The following PAPSS2 variants were observed in gnomAD, a reference collection of about 807,000 sequenced individuals.
PAPSS2 encodes the protein bifunctional 3'-phosphoadenosine 5'-phosphosulfate synthase 2.
A neutral mutation model predicts 66.5 loss-of-function variants in PAPSS2; 61 were observed. The observed-to-expected ratio is 0.92, with a 90% CI of 0.75 to 1.14. PAPSS2 has a LOEUF of 1.14. Ranked by LOEUF, PAPSS2 falls within the 50% of genes most tolerant of loss-of-function variation. The pLI, the probability that PAPSS2 is intolerant of heterozygous loss-of-function variation, is 0.00. For missense variants in PAPSS2, 708 were observed against 789.6 expected (o/e 0.90, Z 1.24); for synonymous variants, 289 against 287.5 (o/e 1.01, Z -0.05).
In PAPSS2 at chr10:87,713,317, A is replaced by G. The variant is rs759074092; in HGVS notation, c.381+7A>G. 78 of 1,238,320 alleles carry G rather than the reference A, an allele frequency of 6.3e-5. No individual in the cohort carries two copies. The Middle Eastern group carries it at 6.9e-4, about 11-fold the overall frequency. The allele number at this position is 1,238,320 out of a possible 1,614,324, so 76.7% of individuals were successfully genotyped here. On this transcript the variant is annotated splice_region_variant and intron_variant, in intron 3 of 12. Transcript: ENST00000456849. Reference sequence around the variant, plus strand: ...TATTTCTCCATTCGCAAAGGTAAAAAAAAAAAAAAAAAAAAAAGGCACTAC... The same window carrying G: ...TATTTCTCCATTCGCAAAGGTAAAAGAAAAAAAAAAAAAAAAAGGCACTAC...
chr10:87,704,539 T>G (rs544612714), intron 1 of PAPSS2, among the ~76,000 whole-genome samples: 1 of 152,336 alleles, frequency 6.6e-6, no homozygotes, highest in African/African-American at 2.4e-5. Context: ...TCTAGTATGT[T>G]GGGATTGGGA....
chr10:87,707,564 CTTTTTTTTTTTTT>C (rs747152482), intron 1 of PAPSS2, among the ~76,000 whole-genome samples: 20 of 93,980 alleles, frequency 2.1e-4, no homozygotes, highest in African/African-American at 5.7e-4. Flanking sequence ...TCTTTTTTTT[CTTTTTTTTTTTTT>C]TTTTTTTTTT....
chr10:87,673,617 G>A (rs955790346), intron 1 of PAPSS2, among the ~76,000 whole-genome samples: 20 of 147,134 alleles, frequency 1.4e-4, no homozygotes, highest in Admixed American at 2.0e-4. Context: ...ATTCCTTTGC[G>A]AATTTTGGGA....
At chr10:87,722,276 T>A (rs1223667666) in intron 8 of PAPSS2, among the ~76,000 whole-genome samples, 16 of 152,228 alleles carry the variant, frequency 1.1e-4, no homozygotes, top group Non-Finnish European at 7.3e-5. Context: ...TATGGTTGCT[T>A]GTTATGGAAC....
intron 7 of PAPSS2, among the ~76,000 whole-genome samples, chr10:87,717,754 A>G (rs1038159618): frequency 8.6e-5 from 13 of 151,978 alleles, no homozygotes; most frequent in African/African-American, 2.2e-4. Flanking sequence ...TTGTAGAGAT[A>G]AGGTCTCACT....
chr10:87,687,541 G>T (rs1009521216), intron 1 of PAPSS2, among the ~76,000 whole-genome samples: 2 of 152,196 alleles, frequency 1.3e-5, no homozygotes, highest in Non-Finnish European at 2.9e-5. Flanking sequence ...CATAGAAATA[G>T]AGAGTAGAAT....
intron 1 of PAPSS2, among the ~76,000 whole-genome samples, chr10:87,697,378 G>A (rs964425376): frequency 6.6e-5 from 10 of 152,150 alleles, no homozygotes; most frequent in Admixed American, 4.6e-4. Context: ...GGGTTCACTC[G>A]ATCCTGCATT....
chr10:87,679,303 A>G (rs1852987751), intron 1 of PAPSS2, among the ~76,000 whole-genome samples: 1 of 152,202 alleles, frequency 6.6e-6, no homozygotes. Flanking sequence ...GGAGATGAAC[A>G]AAGATAGGTT....
At chr10:87,660,247 G>C (rs1852732510) in intron 1 of PAPSS2, 2 of 596,000 alleles carry the variant, frequency 3.4e-6, no homozygotes, top group African/African-American at 1.9e-5. Flanking sequence ...CCTTGGGGTC[G>C]CCGCGCCCGC....
intron 1 of PAPSS2, 36 bp from the exon 2 acceptor site, chr10:87,709,160 A>C: frequency 7.3e-7 from 1 of 1,360,966 alleles, no homozygotes; most frequent in Non-Finnish European, 1.1e-6. Context: ...GTGTTTTATT[A>C]ATTAATACTG....
At chr10:87,692,062 C>T (rs148791292) in intron 1 of PAPSS2, among the ~76,000 whole-genome samples, 1 of 152,250 alleles carries the variant, frequency 6.6e-6, no homozygotes, top group Non-Finnish European at 1.5e-5. Flanking sequence ...AATTAGCTAA[C>T]TAACAGTGAT....
At chr10:87,697,329 A>G (rs1220823352) in intron 1 of PAPSS2, among the ~76,000 whole-genome samples, 1 of 152,176 alleles carries the variant, frequency 6.6e-6, no homozygotes, top group Non-Finnish European at 1.5e-5. Context: ...GTCTCAGAGC[A>G]AGGGGCAACG....
At chr10:87,716,303 A>G (rs929905545) in intron 7 of PAPSS2, among the ~76,000 whole-genome samples, 4 of 152,190 alleles carry the variant, frequency 2.6e-5, no homozygotes, top group African/African-American at 7.2e-5. Context: ...TAAAGTGTCA[A>G]TGTTCATGCC....
At chr10:87,728,931 A>G (rs1853692858) in intron 9 of PAPSS2, among the ~76,000 whole-genome samples, 1 of 152,176 alleles carries the variant, frequency 6.6e-6, no homozygotes, top group African/African-American at 2.4e-5. Context: ...GTCAATGGCA[A>G]GCAAAGCAGC....
chr10:87,694,305 G>A (rs1234546341), intron 1 of PAPSS2, among the ~76,000 whole-genome samples: 5 of 152,170 alleles, frequency 3.3e-5, no homozygotes, highest in Admixed American at 6.5e-5. Flanking sequence ...CCCCTTCTGT[G>A]TGGGGTTGAC....
At chr10:87,709,855 G>A (rs1853443316) in intron 2 of PAPSS2, among the ~76,000 whole-genome samples, 1 of 152,188 alleles carries the variant, frequency 6.6e-6, no homozygotes, top group Non-Finnish European at 1.5e-5. Context: ...GCTGAGGATT[G>A]CCCTTGTTTA....
chr10:87,745,226 A>G lies in PAPSS2; in HGVS notation c.1716A>G (p.Pro572=). ...KAKKAMDFYD[P]ARHNEFDFIS... ...AAAAAGCCATGGACTTCTATGATCC[A>G]GCAAGGTAGGTTTTCAGAGGAAAAT... Residue 572 remains proline, a synonymous_variant, in exon 12 of 13, where the codon CCA becomes CCG. Transcript: ENST00000456849. 2 of 1,609,940 alleles carry G rather than the reference A, an allele frequency of 1.2e-6. No individual in the cohort carries two copies. Among genetic ancestry groups the G allele is most frequent in the Non-Finnish European group, 1.7e-6 (2 of 1,177,702 alleles).
At chr10:87,675,050 A>T (rs1852928116) in intron 1 of PAPSS2, among the ~76,000 whole-genome samples, 1 of 152,220 alleles carries the variant, frequency 6.6e-6, no homozygotes, top group Non-Finnish European at 1.5e-5. Context: ...GCAGTTTAAG[A>T]TCTTATGCCC....
At chr10:87,707,546 TTTTCA>T (rs1853406418) in intron 1 of PAPSS2, among the ~76,000 whole-genome samples, 1 of 150,304 alleles carries the variant, frequency 6.7e-6, no homozygotes, top group Non-Finnish European at 1.5e-5. Context: ...AAGAGGTGAG[TTTTCA>T]TTTCTTTTTT....
Sources: gnomAD v4.1 joint callset for allele counts (sites outside exome capture counted in the v4.1 genomes callset) on GRCh38, gnomAD v4.1.1 for gene constraint, MANE v1.5 for transcripts, NCBI Gene and HGNC (gene_info 2026-07-23, HGNC 2026-07-21) for gene names.